TEC: variants seen among roughly 807,000 people sequenced by gnomAD.
TEC encodes the protein tyrosine-protein kinase Tec.
A neutral mutation model predicts 93.0 loss-of-function variants in TEC; 72 were observed. The observed-to-expected ratio is 0.77, with a 90% CI of 0.64 to 0.94. The LOEUF (loss-of-function observed/expected upper bound fraction) is 0.94, where lower values mean the gene tolerates loss of function less well. TEC is among the 40% of genes least tolerant of loss of function. TEC has a pLI of 0.00. For missense variants in TEC, 630 were observed against 757.9 expected, an observed-to-expected ratio of 0.83 and a Z score of 1.98; for synonymous variants, 249 against 247.7, an observed-to-expected ratio of 1.01 and a Z score of -0.05.
Position 48,176,161 on chromosome 4 carries a change from T to A in TEC, c.164A>T (p.Asp55Val), listed in dbSNP as rs767902369. ...AEKKYRKGFI[D>V]VSKIKCVEIV... ...TTCCACACACTTGATTTTTGAAACA[T>A]CAATAAACCCCTTTCTGTATTTCTT... Residue 55 changes from aspartate (D) to valine (V), a missense_variant, in exon 3 of 18, where the codon GAT becomes GTT. Asp to Val is a radical substitution (Grantham distance 152). Transcript: ENST00000381501. 6 of 1,612,420 alleles carry A rather than the reference T, an allele frequency of 3.7e-6. No individual in the cohort carries two copies. Among genetic ancestry groups the A allele is most frequent in the Non-Finnish European group, 5.1e-6 (6 of 1,178,846 alleles).
At chr4:48,256,651 T>G (rs1255541926) in intron 1 of TEC, among the ~76,000 whole-genome samples, 1 of 151,754 alleles carries the variant, frequency 6.6e-6, no homozygotes, top group South Asian at 2.1e-4. Context: ...AAAGTGTCTC[T>G]TCTTTTAAAA....
At chr4:48,214,046 T>G (rs1367034407) in intron 2 of TEC, among the ~76,000 whole-genome samples, 1 of 152,202 alleles carries the variant, frequency 6.6e-6, no homozygotes, top group Non-Finnish European at 1.5e-5. Context: ...ATCTTTATAT[T>G]AAAGATCTTT....
At chr4:48,252,507 T>A (rs993067859) in intron 1 of TEC, among the ~76,000 whole-genome samples, 1 of 152,234 alleles carries the variant, frequency 6.6e-6, no homozygotes, top group Non-Finnish European at 1.5e-5. Context: ...TGCAACTAAC[T>A]AGCTGGGTGA....
chr4:48,145,904 T>G (rs77833414), intron 12 of TEC, among the ~76,000 whole-genome samples: 1,552 of 152,338 alleles, frequency 0.01, 19 homozygotes, highest in African/African-American at 0.031. Flanking sequence ...AGGTTTTTTT[T>G]TTGTTGTTGT....
At chr4:48,175,433 A>C (rs1352919047) in intron 3 of TEC, among the ~76,000 whole-genome samples, 1 of 152,180 alleles carries the variant, frequency 6.6e-6, no homozygotes, top group Non-Finnish European at 1.5e-5. Context: ...TGAGCAGGGA[A>C]GGAAGTGGTG....
At chr4:48,268,032 ACCCTTCCAACCT>A (rs1724684798) in intron 1 of TEC, among the ~76,000 whole-genome samples, 1 of 152,146 alleles carries the variant, frequency 6.6e-6, no homozygotes, top group Admixed American at 6.5e-5. Context: ...ACTGCTCACA[ACCCTTCCAACCT>A]CCCTATCAAG....
At chr4:48,175,098 C>T (rs1430933585) in intron 3 of TEC, among the ~76,000 whole-genome samples, 2 of 152,170 alleles carry the variant, frequency 1.3e-5, no homozygotes, top group Non-Finnish European at 2.9e-5. Context: ...GAAATGGTAG[C>T]TATAAAATAA....
intron 1 of TEC, among the ~76,000 whole-genome samples, chr4:48,242,764 C>T (rs1343967732): frequency 1.3e-5 from 2 of 152,168 alleles, no homozygotes; most frequent in Admixed American, 6.5e-5. Context: ...TTCAACCAAG[C>T]TCTCATGCTC....
chr4:48,209,465 T>G (rs1458930780), intron 2 of TEC, among the ~76,000 whole-genome samples: 3 of 151,332 alleles, frequency 2.0e-5, no homozygotes, highest in Non-Finnish European at 4.4e-5. Flanking sequence ...TAACAAATAA[T>G]TAGTTGGGCA....
intron 1 of TEC, among the ~76,000 whole-genome samples, chr4:48,234,079 A>G (rs962671724): frequency 2.6e-5 from 4 of 152,208 alleles, no homozygotes; most frequent in African/African-American, 7.2e-5. Flanking sequence ...TGTAAGTTTC[A>G]TTGAAAGCAT....
chr4:48,237,319 CAA>C (rs34570564), intron 1 of TEC, among the ~76,000 whole-genome samples: 8 of 119,194 alleles, frequency 6.7e-5, no homozygotes, highest in Non-Finnish European at 9.1e-5. Flanking sequence ...GACTCTGTCT[CAA>C]AAAAAAAAAA....
At chr4:48,238,206 C>T (rs972865549) in intron 1 of TEC, among the ~76,000 whole-genome samples, 5 of 152,128 alleles carry the variant, frequency 3.3e-5, no homozygotes, top group African/African-American at 9.7e-5. Flanking sequence ...GCAATGTTTT[C>T]GTGCTCAGAA....
chr4:48,239,719 T>C (rs1479536800), intron 1 of TEC, among the ~76,000 whole-genome samples: 1 of 152,140 alleles, frequency 6.6e-6, no homozygotes, highest in East Asian at 1.9e-4. Context: ...AAGTCATTAG[T>C]ACATTCAATT....
At chr4:48,266,859 A>C (rs1004911049) in intron 1 of TEC, among the ~76,000 whole-genome samples, 2 of 152,104 alleles carry the variant, frequency 1.3e-5, no homozygotes, top group Non-Finnish European at 2.9e-5. Flanking sequence ...AAAACGAAAA[A>C]AAAGTTATGC....
At chr4:48,261,036 C>T (rs1577676962) in intron 1 of TEC, among the ~76,000 whole-genome samples, 1 of 152,268 alleles carries the variant, frequency 6.6e-6, no homozygotes, top group East Asian at 1.9e-4. Flanking sequence ...CACCAGGTGT[C>T]TGAGAACCTC....
intron 2 of TEC, among the ~76,000 whole-genome samples, chr4:48,194,045 C>T (rs1031221033): frequency 6.6e-6 from 1 of 152,154 alleles, no homozygotes; most frequent in African/African-American, 2.4e-5. Context: ...ACACCATTCC[C>T]ACCCCACCTC....
At chr4:48,192,743 G>T (rs1167617285) in intron 2 of TEC, among the ~76,000 whole-genome samples, 1 of 152,144 alleles carries the variant, frequency 6.6e-6, no homozygotes, top group East Asian at 1.9e-4. Flanking sequence ...TTAAATGAAG[G>T]CTCTGCCCTA....
rs955210151 is a variant in TEC at position 48,167,364 on chromosome 4, G to C, written c.671+414C>G. ...AAGTGAGAAGAGGCTTCATTATACT[G>C]TGTATGTGTATGCATACACACACGC... On this transcript the variant is annotated intron_variant, in intron 7 of 17. Coordinates refer to ENST00000381501, the MANE Select transcript of TEC (RefSeq NM_003215.3). Among the ~76,000 whole-genome samples, 6 of 151,868 alleles carry C rather than the reference G, an allele frequency of 4.0e-5. No individual in the cohort carries two copies. In the East Asian group the frequency reaches 1.2e-3, roughly 29 times the overall value.
In TEC at chr4:48,136,011, C is replaced by T. The variant is rs936421430; in HGVS notation, c.*1405G>A. ...GTGGCCTGCAGAGGAGACGCAACTCCTGAAGGGAAGGCGCTGTGTCTTCCT... is the reference window on the plus strand; with the variant it reads ...GTGGCCTGCAGAGGAGACGCAACTCTTGAAGGGAAGGCGCTGTGTCTTCCT... On this transcript the variant is annotated 3_prime_UTR_variant, in exon 18 of 18. Coordinates refer to ENST00000381501, the MANE Select transcript of TEC (RefSeq NM_003215.3). 9 of 152,228 alleles carry T rather than the reference C, an allele frequency of 5.9e-5. No homozygotes were observed. The highest frequency in any genetic ancestry group is 2.2e-4 in the African/African-American group (9 of 41,450). 9.4% of individuals were successfully genotyped at this position (152,228 alleles called of 1,614,324 possible).
Sources: gnomAD v4.1 joint callset for allele counts (sites outside exome capture counted in the v4.1 genomes callset) on GRCh38, gnomAD v4.1.1 for gene constraint, MANE v1.5 for transcripts, NCBI Gene and HGNC (gene_info 2026-07-23, HGNC 2026-07-21) for gene names.